CPQ: variants seen among roughly 807,000 people sequenced by gnomAD.
CPQ encodes Ser-Met dipeptidase.
In CPQ, 37 loss-of-function variants were observed where a neutral mutation model predicts 45.7. The observed-to-expected ratio is 0.81, with a 90% confidence interval of 0.62 to 1.07. The LOEUF (loss-of-function observed/expected upper bound fraction) is 1.07. CPQ is among the 50% of genes least tolerant of loss of function. The probability of loss-of-function intolerance (pLI) is 0.00; values close to 1 mark genes in which losing one functional copy is unlikely to be tolerated. For synonymous variants in CPQ, 186 were observed against 205.8 expected (o/e 0.90, Z 0.82); for missense variants, 537 against 572.9 (o/e 0.94, Z 0.64).
Position 96,743,266 on chromosome 8 carries a change from A to T in CPQ, c.-34-41598A>T, listed in dbSNP as rs577573148. On this transcript the variant is annotated intron_variant, in intron 1 of 7. Coordinates refer to ENST00000220763, the MANE Select transcript of CPQ (RefSeq NM_016134.4). ...GATACCCTTTCTTCCAGTTGATCGC[A>T]TCGGCTCCTGAGGCTTCTGCATTCT... 6.3e-3 allele frequency among the ~76,000 whole-genome samples: 960 copies of T among 151,658 alleles called. 12 individuals are homozygous for T. The highest frequency in any genetic ancestry group is 0.022 in the African/African-American group (892 of 41,280).
chr8:96,754,971 C>G (rs1043032661), intron 1 of CPQ, among the ~76,000 whole-genome samples: 3 of 151,834 alleles, frequency 2.0e-5, no homozygotes, highest in African/African-American at 7.2e-5. Flanking sequence ...TCTCTTCCAT[C>G]TATTTATTTG....
At chr8:96,968,203 G>GA (rs1442518975) in intron 5 of CPQ, among the ~76,000 whole-genome samples, 1 of 152,008 alleles carries the variant, frequency 6.6e-6, no homozygotes, top group Non-Finnish European at 1.5e-5. Context: ...TCCCTTGTAT[G>GA]ATAGAAACCC....
chr8:96,907,610 T>C (rs1236629080), intron 4 of CPQ, among the ~76,000 whole-genome samples: 1 of 152,128 alleles, frequency 6.6e-6, no homozygotes, highest in African/African-American at 2.4e-5. Context: ...TTTTTATGGC[T>C]TCACTAATTG....
chr8:96,881,742 A>T (rs1438388008), intron 4 of CPQ, among the ~76,000 whole-genome samples: 3 of 152,204 alleles, frequency 2.0e-5, no homozygotes, highest in African/African-American at 7.2e-5. Context: ...TTTATCTGCA[A>T]ATAAAGGGAT....
chr8:96,663,149 A>G (rs544876249), intron 1 of CPQ, among the ~76,000 whole-genome samples: 1 of 152,336 alleles, frequency 6.6e-6, no homozygotes, highest in South Asian at 2.1e-4. Context: ...CTCTGCATTG[A>G]AAACACAGAT....
At chr8:97,018,154 C>T (rs1425771055) in intron 5 of CPQ, among the ~76,000 whole-genome samples, 1 of 152,142 alleles carries the variant, frequency 6.6e-6, no homozygotes, top group Non-Finnish European at 1.5e-5. Context: ...TACAGCTCAG[C>T]TCTTAGGAAG....
chr8:97,004,273 T>TAA (rs765381107), intron 5 of CPQ, among the ~76,000 whole-genome samples: 1 of 134,938 alleles, frequency 7.4e-6, no homozygotes. Flanking sequence ...AAATAATTTG[T>TAA]AAAAAAAAAA....
chr8:96,820,031 C>T (rs1051720707), intron 2 of CPQ, among the ~76,000 whole-genome samples: 2 of 152,026 alleles, frequency 1.3e-5, no homozygotes, highest in African/African-American at 4.8e-5. Flanking sequence ...ATCAAGATAT[C>T]TATGGTGTTG....
At chr8:96,955,372 G>A (rs576021319) in intron 4 of CPQ, among the ~76,000 whole-genome samples, 15 of 152,180 alleles carry the variant, frequency 9.9e-5, no homozygotes, top group African/African-American at 3.6e-4. Flanking sequence ...TTTTTCATCT[G>A]TCTTTTGGCT....
At chr8:96,880,979 A>G (rs1219318147) in intron 4 of CPQ, among the ~76,000 whole-genome samples, 1 of 152,172 alleles carries the variant, frequency 6.6e-6, no homozygotes, top group Non-Finnish European at 1.5e-5. Flanking sequence ...TGAAGGACAG[A>G]ATGGTATTCG....
At chr8:96,738,149 T>A (rs191547946) in intron 1 of CPQ, among the ~76,000 whole-genome samples, 36 of 152,264 alleles carry the variant, frequency 2.4e-4, no homozygotes, top group African/African-American at 7.7e-4. Context: ...ATGTGGTTAA[T>A]TTTTATAAAC....
chr8:96,843,054 C>T (rs981372226), intron 3 of CPQ, among the ~76,000 whole-genome samples: 4 of 151,908 alleles, frequency 2.6e-5, no homozygotes, highest in Non-Finnish European at 5.9e-5. Context: ...TACAGGCACC[C>T]GCCACCACGT....
intron 2 of CPQ, among the ~76,000 whole-genome samples, chr8:96,815,234 T>A (rs1811212804): frequency 1.3e-5 from 2 of 151,980 alleles, no homozygotes; most frequent in African/African-American, 4.8e-5. Flanking sequence ...AGGAGATAGA[T>A]CTTTCAAAAA....
intron 5 of CPQ, among the ~76,000 whole-genome samples, chr8:97,004,504 C>T (rs1302611030): frequency 1.3e-5 from 2 of 152,002 alleles, no homozygotes; most frequent in Non-Finnish European, 2.9e-5. Flanking sequence ...ATACTGTATA[C>T]ATCAAGAGCT....
In CPQ at chr8:96,807,394, C is replaced by T. The variant is rs1022558815; in HGVS notation, c.433+22064C>T. Among the ~76,000 whole-genome samples, 24 of 152,114 alleles carry T rather than the reference C, an allele frequency of 1.6e-4. 1 individual carries two copies. Among genetic ancestry groups the T allele is most frequent in the African/African-American group, 5.5e-4 (23 of 41,506 alleles). On this transcript the variant is annotated intron_variant, in intron 2 of 7. Coordinates refer to ENST00000220763, the MANE Select transcript of CPQ (RefSeq NM_016134.4). Reference sequence around the variant, plus strand: ...GACTACAGGCACCCACCACCATGCCCGGCTGATTTTTTGTATTTTTAGTAG... The same window carrying T: ...GACTACAGGCACCCACCACCATGCCTGGCTGATTTTTTGTATTTTTAGTAG...
At chr8:97,112,151 ATTTTT>A (rs548377824) in intron 7 of CPQ, among the ~76,000 whole-genome samples, 1 of 141,284 alleles carries the variant, frequency 7.1e-6, no homozygotes, top group Admixed American at 7.2e-5. Flanking sequence ...TATTATTTTT[ATTTTT>A]TTTTTATTTT....
chr8:96,861,575 G>T (rs1753932209), intron 3 of CPQ, among the ~76,000 whole-genome samples: 1 of 152,078 alleles, frequency 6.6e-6, no homozygotes, highest in Non-Finnish European at 1.5e-5. Context: ...GCTAATTCTG[G>T]CGTCAGAAGT....
chr8:96,816,880 C>G (rs539925941), intron 2 of CPQ, among the ~76,000 whole-genome samples: 3 of 152,082 alleles, frequency 2.0e-5, no homozygotes, highest in Non-Finnish European at 2.9e-5. Context: ...TTTAATAAAC[C>G]ATATCTGTTC....
At chr8:96,891,684 G>A (rs1812378841) in intron 4 of CPQ, among the ~76,000 whole-genome samples, 2 of 152,134 alleles carry the variant, frequency 1.3e-5, no homozygotes, top group South Asian at 4.1e-4. Context: ...ACCACTCAGA[G>A]GTCCATCCTT....
Sources: gnomAD v4.1 joint callset for allele counts (sites outside exome capture counted in the v4.1 genomes callset) on GRCh38, gnomAD v4.1.1 for gene constraint, MANE v1.5 for transcripts, NCBI Gene and HGNC (gene_info 2026-07-23, HGNC 2026-07-21) for gene names.